CPA6: variants seen among roughly 807,000 people sequenced by gnomAD.
The protein encoded by CPA6 is carboxypeptidase A6, also known as carboxypeptidase B.
CPA6 carries 58 observed loss-of-function variants against 63.3 expected under a neutral mutation model. The ratio of observed to expected loss-of-function variants is 0.92; its 90% CI spans 0.74 to 1.14. The LOEUF is 1.14. Ranked by LOEUF, CPA6 falls within the 50% of genes most tolerant of loss-of-function variation. The probability of loss-of-function intolerance (pLI) is 0.00; values close to 1 mark genes in which losing one functional copy is unlikely to be tolerated. For synonymous variants in CPA6, 185 were observed against 179.0 expected, an observed-to-expected ratio of 1.03 and a Z score of -0.27; for missense variants, 565 against 526.6, an observed-to-expected ratio of 1.07 and a Z score of -0.71.
At chr8:67,477,247 A>T (rs6994135) in intron 8 of CPA6, among the ~76,000 whole-genome samples, 1 of 142,492 alleles carries the variant, frequency 7.0e-6, no homozygotes, top group East Asian at 2.1e-4. Flanking sequence ...CTGAGATTGC[A>T]CCACTGCACT....
intron 8 of CPA6, among the ~76,000 whole-genome samples, chr8:67,448,972 C>T (rs1235418079): frequency 2.0e-5 from 3 of 152,056 alleles, no homozygotes; most frequent in Non-Finnish European, 2.9e-5. Context: ...TGTAATGCAG[C>T]CAGGGATGGT....
At chr8:67,740,157 G>C in intron 1 of CPA6, among the ~76,000 whole-genome samples, 1 of 152,352 alleles carries the variant, frequency 6.6e-6, no homozygotes, top group East Asian at 1.9e-4. Context: ...AGGAGGCACT[G>C]CTGATGACTA....
intron 1 of CPA6, among the ~76,000 whole-genome samples, chr8:67,693,376 C>A (rs1036586636): frequency 1.3e-5 from 2 of 152,170 alleles, no homozygotes; most frequent in Non-Finnish European, 2.9e-5. Flanking sequence ...GGAACATACT[C>A]GGGTTGACCA....
chr8:67,728,578 A>T (rs1284777589), intron 1 of CPA6, among the ~76,000 whole-genome samples: 2 of 152,206 alleles, frequency 1.3e-5, no homozygotes, highest in Admixed American at 6.5e-5. Context: ...ATGCACTCTA[A>T]ATCTTTGCCT....
At position 67,571,319 on chromosome 8, in the gene CPA6, C is replaced by G. The variant is rs1384384550; in HGVS notation, c.192+52857G>C. Among the ~76,000 whole-genome samples the G allele has an allele frequency of 3.3e-5, 5 of 152,250 alleles. No individual in the cohort carries two copies. In the East Asian group the frequency reaches 5.8e-4, roughly 18 times the overall value. ...TGTAGACAGAAAGTTATTGAGGAAC[C>G]ATTGGACTTGAAGAACTCTTTAGAT... On this transcript the variant is annotated intron_variant, in intron 2 of 10. Transcript: ENST00000297770.
At chr8:67,643,592 A>G (rs1403103512) in intron 1 of CPA6, among the ~76,000 whole-genome samples, 1 of 152,152 alleles carries the variant, frequency 6.6e-6, no homozygotes, top group Admixed American at 6.5e-5. Flanking sequence ...GCTACCGGTA[A>G]CCTCAGAAGG....
chr8:67,714,606 C>T (rs192301300), intron 1 of CPA6, among the ~76,000 whole-genome samples: 5 of 152,186 alleles, frequency 3.3e-5, no homozygotes, highest in Admixed American at 6.5e-5. Flanking sequence ...AGGTTGAGGT[C>T]GGGGGCTGCA....
chr8:67,430,720 T>C (rs966299635), intron 9 of CPA6, among the ~76,000 whole-genome samples: 1 of 152,196 alleles, frequency 6.6e-6, no homozygotes, highest in Admixed American at 6.5e-5. Flanking sequence ...CTGTGGGTTC[T>C]GTCCTGTGCA....
chr8:67,493,200 TTTAAG>T, intron 6 of CPA6, among the ~76,000 whole-genome samples: 2 of 152,322 alleles, frequency 1.3e-5, no homozygotes, highest in East Asian at 1.9e-4. Flanking sequence ...ATACATGCAA[TTTAAG>T]TTCTCTTCTT....
At chr8:67,567,187 T>C (rs115279246) in intron 2 of CPA6, among the ~76,000 whole-genome samples, 2,773 of 152,250 alleles carry the variant, frequency 0.018, 32 homozygotes, top group African/African-American at 0.036. Context: ...GTCAAGAGAA[T>C]AGACAAACCT....
Position 67,714,069 on chromosome 8 carries a change from G to A in CPA6, c.116+31945C>T, listed in dbSNP as rs534012017. Reference sequence around the variant, plus strand: ...AAGGTTAAAATTTTTGCCTGGAAACGAGGTTCTTTAGAAGGTTGCATTTAA... The same window carrying A: ...AAGGTTAAAATTTTTGCCTGGAAACAAGGTTCTTTAGAAGGTTGCATTTAA... On this transcript the variant is annotated intron_variant, in intron 1 of 10. Coordinates refer to ENST00000297770, the MANE Select transcript of CPA6 (RefSeq NM_020361.5). Among the ~76,000 whole-genome samples the A allele has an allele frequency of 5.3e-5, 8 of 152,098 alleles. No individual in the cohort carries two copies. The South Asian group carries it at 8.3e-4, about 16-fold the overall frequency.
At chr8:67,662,433 T>TA (rs1554531101) in intron 1 of CPA6, among the ~76,000 whole-genome samples, 2 of 61,224 alleles carry the variant, frequency 3.3e-5, no homozygotes, top group Admixed American at 2.9e-4. Flanking sequence ...ATAGAATACA[T>TA]ACACACGTAT....
intron 10 of CPA6, among the ~76,000 whole-genome samples, chr8:67,425,878 ATTTC>A: frequency 6.7e-6 from 1 of 149,996 alleles, no homozygotes; most frequent in South Asian, 2.1e-4. Flanking sequence ...TGACAGCCTC[ATTTC>A]TTTTTCTTTT....
intron 1 of CPA6, among the ~76,000 whole-genome samples, chr8:67,743,145 A>G (rs138915247): frequency 0.012 from 1,885 of 152,324 alleles, 24 homozygotes; most frequent in Non-Finnish European, 0.015. Flanking sequence ...AGCCCTTGAC[A>G]TAAAGTACCA....
At position 67,581,129 on chromosome 8, in the gene CPA6, G is replaced by A. The variant is rs560563133; in HGVS notation, c.192+43047C>T. ...TCCAATGAACGAGTATATGTACTAT[G>A]TAATATTAAGTAATATTAAGTAATG... On this transcript the variant is annotated intron_variant, in intron 2 of 10. Transcript: ENST00000297770. Among the ~76,000 whole-genome samples, 6 of 152,270 alleles carry A rather than the reference G, an allele frequency of 3.9e-5. No homozygotes were observed. The South Asian group carries it at 1.2e-3, about 32-fold the overall frequency.
intron 1 of CPA6, among the ~76,000 whole-genome samples, chr8:67,642,347 C>T (rs1271745287): frequency 2.6e-5 from 4 of 151,424 alleles, no homozygotes; most frequent in Admixed American, 2.0e-4. Flanking sequence ...GATTAAAAGA[C>T]ATTAAAGGGG....
intron 2 of CPA6, among the ~76,000 whole-genome samples, chr8:67,596,477 ATT>A (rs1470170926): frequency 6.7e-6 from 1 of 149,652 alleles, no homozygotes; most frequent in East Asian, 2.0e-4. Flanking sequence ...TGCTTTAAAC[ATT>A]TTCTGTCATT....
chr8:67,462,558 A>C (rs936280975), intron 8 of CPA6, among the ~76,000 whole-genome samples: 1 of 152,228 alleles, frequency 6.6e-6, no homozygotes, highest in African/African-American at 2.4e-5. Flanking sequence ...GTCAAAAGGC[A>C]CATGTATTTC....
chr8:67,455,663 CAAAAA>C (rs552041509), intron 8 of CPA6, among the ~76,000 whole-genome samples: 1 of 30,252 alleles, frequency 3.3e-5, no homozygotes, highest in South Asian at 2.3e-3. Flanking sequence ...TCTACAAAAG[CAAAAA>C]AAAAAAAAAA....
Sources: allele counts gnomAD v4.1 joint callset (sites outside exome capture counted in the v4.1 genomes callset), GRCh38; gene constraint gnomAD v4.1.1; transcripts MANE v1.5; gene names NCBI Gene and HGNC (gene_info 2026-07-23, HGNC 2026-07-21).